Variants in MAGI2 observed in about 807,000 individuals in gnomAD.
MAGI2 encodes the protein membrane-associated guanylate kinase, WW and PDZ domain-containing protein 2.
In MAGI2, 35 loss-of-function variants were observed where a neutral mutation model predicts 133.3. That is an observed-to-expected ratio of 0.26 (90% CI 0.20 to 0.35). The LOEUF (loss-of-function observed/expected upper bound fraction) is 0.35. MAGI2 is among the 10% of genes least tolerant of loss of function. The pLI is 1.00. For missense variants in MAGI2, 1,636 were observed against 1,863.4 expected (o/e 0.88, Z 2.25); for synonymous variants, 729 against 710.6 (o/e 1.03, Z -0.41).
intron 2 of MAGI2, among the ~76,000 whole-genome samples, chr7:78,719,609 C>T (rs372004531): frequency 6.6e-6 from 1 of 152,234 alleles, no homozygotes; most frequent in East Asian, 1.9e-4. Flanking sequence ...TTGCAACCCT[C>T]TTTCTTTTAC....
In MAGI2 at chr7:78,574,776, C is replaced by T. The variant is rs112737493; in HGVS notation, c.538+52344G>A. Among the ~76,000 whole-genome samples the T allele has an allele frequency of 3.3e-4, 50 of 152,228 alleles. No homozygotes were observed. The South Asian group carries it at 4.1e-3, about 13-fold the overall frequency. On this transcript the variant is annotated intron_variant, in intron 3 of 21. Transcript: ENST00000354212. ...ATTTACAATGTACTGTTATGAGACACGTTGATTACAGGAAGGTTTGAAATT... is the reference window on the plus strand; with the variant it reads ...ATTTACAATGTACTGTTATGAGACATGTTGATTACAGGAAGGTTTGAAATT...
intron 2 of MAGI2, among the ~76,000 whole-genome samples, chr7:78,691,642 G>A (rs996567794): frequency 6.6e-6 from 1 of 152,090 alleles, no homozygotes; most frequent in African/African-American, 2.4e-5. Flanking sequence ...CAAAAGAGCA[G>A]ACTCTTTTAG....
At chr7:78,271,321 A>G (rs1342945124) in intron 9 of MAGI2, among the ~76,000 whole-genome samples, 4 of 152,148 alleles carry the variant, frequency 2.6e-5, no homozygotes, top group Non-Finnish European at 5.9e-5. Flanking sequence ...ATCGTGGAGG[A>G]TAAGCTTTTT....
At chr7:78,215,477 G>A (rs1351934151) in intron 10 of MAGI2, among the ~76,000 whole-genome samples, 1 of 152,212 alleles carries the variant, frequency 6.6e-6, no homozygotes, top group African/African-American at 2.4e-5. Context: ...ACCTGTTGTA[G>A]ATGCTGTTGA....
intron 9 of MAGI2, among the ~76,000 whole-genome samples, chr7:78,281,556 A>G (rs1182219744): frequency 2.0e-5 from 3 of 152,166 alleles, no homozygotes; most frequent in Admixed American, 6.6e-5. Flanking sequence ...AACTGACTCA[A>G]TTAAACTTCT....
At chr7:78,161,667 T>TAAAAAA (rs71515391) in intron 15 of MAGI2, among the ~76,000 whole-genome samples, 15 of 68,904 alleles carry the variant, frequency 2.2e-4, no homozygotes, top group South Asian at 6.0e-4. Context: ...CATCGATACC[T>TAAAAAA]AAAAAAAAAA....
At position 78,484,774 on chromosome 7, in the gene MAGI2, G is replaced by T. The variant is rs1792800655; in HGVS notation, c.1045+4987C>A. 4 of 151,914 alleles carry T rather than the reference G, an allele frequency of 2.6e-5. No homozygotes were observed. In the South Asian group the frequency reaches 6.2e-4, roughly 24 times the overall value. 9.4% of individuals were successfully genotyped at this position (151,914 alleles called of 1,614,324 possible). ...AATGAGCAGTTATTTAGAATTTATG[G>T]TGCTAGTCATTGTGCTTCCAACATG... On this transcript the variant is annotated intron_variant, in intron 6 of 21. Transcript: ENST00000354212.
At chr7:78,058,449 T>C (rs1459723758) in intron 21 of MAGI2, among the ~76,000 whole-genome samples, 1 of 151,444 alleles carries the variant, frequency 6.6e-6, no homozygotes, top group Admixed American at 6.6e-5. Context: ...TGAATCACTA[T>C]TTGAATGTTC....
intron 21 of MAGI2, among the ~76,000 whole-genome samples, chr7:78,054,301 T>C (rs1051557563): frequency 3.3e-5 from 5 of 152,052 alleles, no homozygotes; most frequent in Non-Finnish European, 7.4e-5. Context: ...AATTTTTGTA[T>C]TTTTAGTAGA....
intron 1 of MAGI2, among the ~76,000 whole-genome samples, chr7:79,261,436 A>C (rs574619592): frequency 6.6e-6 from 1 of 152,218 alleles, no homozygotes; most frequent in Non-Finnish European, 1.5e-5. Flanking sequence ...GTCAAAGCAA[A>C]TCACATAGTT....
intron 1 of MAGI2, among the ~76,000 whole-genome samples, chr7:79,160,457 G>T (rs1035208743): frequency 6.6e-6 from 1 of 152,010 alleles, no homozygotes; most frequent in African/African-American, 2.4e-5. Flanking sequence ...TAAAGGAATT[G>T]TTCCATTTTG....
chr7:79,297,609 T>C (rs887964655), intron 1 of MAGI2, among the ~76,000 whole-genome samples: 1 of 152,250 alleles, frequency 6.6e-6, no homozygotes, highest in African/African-American at 2.4e-5. Context: ...AAAAGGTCTA[T>C]AGAGCTTATC....
chr7:78,289,446 T>G lies in MAGI2; in HGVS notation c.1409-32865A>C, dbSNP rs141977197. Among the ~76,000 whole-genome samples the G allele has an allele frequency of 3.3e-3, 507 of 152,246 alleles. 3 individuals carry two copies. The highest frequency in any genetic ancestry group is 0.011 in the African/African-American group (476 of 41,562). ...AACAAAGCCTCCAAGAAATATGGGA[T>G]TATGTGAAAAGACCAACTCTACATC... On this transcript the variant is annotated intron_variant, in intron 9 of 21. Coordinates refer to ENST00000354212, the MANE Select transcript of MAGI2 (RefSeq NM_012301.4).
intron 2 of MAGI2, among the ~76,000 whole-genome samples, chr7:78,973,093 G>T (rs139086640): frequency 3.9e-5 from 6 of 151,906 alleles, no homozygotes; most frequent in Non-Finnish European, 8.8e-5. Flanking sequence ...TTAAACAAGG[G>T]TTTGCCAGCT....
intron 3 of MAGI2, among the ~76,000 whole-genome samples, chr7:78,537,206 C>CAG (rs1332381069): frequency 4.0e-5 from 6 of 148,318 alleles, no homozygotes; most frequent in African/African-American, 7.4e-5. Flanking sequence ...CACACACACA[C>CAG]AGACACATTT....
chr7:78,067,231 C>T (rs1368618277), intron 21 of MAGI2, among the ~76,000 whole-genome samples: 1 of 152,206 alleles, frequency 6.6e-6, no homozygotes, highest in Non-Finnish European at 1.5e-5. Context: ...TTCAGTGTCA[C>T]ACAGCGAAGG....
At chr7:78,908,707 T>C (rs893590511) in intron 2 of MAGI2, among the ~76,000 whole-genome samples, 4 of 152,208 alleles carry the variant, frequency 2.6e-5, no homozygotes, top group African/African-American at 9.6e-5. Flanking sequence ...CATCAATGAA[T>C]GTCATGTGAA....
intron 6 of MAGI2, among the ~76,000 whole-genome samples, chr7:78,370,465 C>T (rs1390208482): frequency 6.6e-6 from 1 of 151,890 alleles, no homozygotes; most frequent in East Asian, 1.9e-4. Flanking sequence ...CATGTGTCAT[C>T]TGTATTGGAC....
intron 1 of MAGI2, among the ~76,000 whole-genome samples, chr7:79,105,494 G>C (rs1211711321): frequency 1.3e-5 from 2 of 152,054 alleles, no homozygotes; most frequent in Non-Finnish European, 2.9e-5. Flanking sequence ...TTCACATCTG[G>C]TCAAATCTCA....
Sources: allele counts gnomAD v4.1 joint callset (sites outside exome capture counted in the v4.1 genomes callset), GRCh38; gene constraint gnomAD v4.1.1; transcripts MANE v1.5; gene names NCBI Gene and HGNC (gene_info 2026-07-23, HGNC 2026-07-21).